Variants in DCAF6 observed in about 807,000 individuals in gnomAD.
The protein encoded by DCAF6 is DDB1- and CUL4-associated factor 6.
DCAF6 carries 54 observed loss-of-function variants against 125.1 expected under a neutral mutation model. The observed-to-expected ratio is 0.43, with a 90% CI of 0.35 to 0.54. The LOEUF (loss-of-function observed/expected upper bound fraction) is 0.54, where lower values mean the gene tolerates loss of function less well. DCAF6 is among the 20% of genes least tolerant of loss of function. DCAF6 has a pLI of 0.01. For missense variants in DCAF6, 934 were observed against 1,161.7 expected (o/e 0.80, Z 2.85); for synonymous variants, 371 against 390.4 (o/e 0.95, Z 0.58).
At chr1:168,008,388 T>A (rs73026167) in intron 10 of DCAF6, among the ~76,000 whole-genome samples, 21,373 of 152,134 alleles carry the variant, frequency 0.14, 2,024 homozygotes, top group African/African-American at 0.27. Flanking sequence ...CCTGTGAGTT[T>A]TTCTTGATTC....
intron 10 of DCAF6, among the ~76,000 whole-genome samples, chr1:168,006,322 CATT>C (rs1349131335): frequency 2.0e-5 from 3 of 152,160 alleles, no homozygotes; most frequent in East Asian, 3.9e-4. Context: ...ATTATTGAAA[CATT>C]ATGCAGTACT....
chr1:167,956,620 T>C (rs1313599497), intron 2 of DCAF6, among the ~76,000 whole-genome samples: 1 of 152,152 alleles, frequency 6.6e-6, no homozygotes, highest in African/African-American at 2.4e-5. Flanking sequence ...ATTTGCTCTT[T>C]GTTTTGTAAT....
At chr1:167,878,460 G>T in the DCAF6 span, 30 of 1,613,686 alleles carry the variant, frequency 1.9e-5, no homozygotes, top group Non-Finnish European at 2.5e-5. Context: ...TCTCAGTACG[G>T]CCCCAATACT....
At chr1:167,925,185 G>C in the DCAF6 span, among the ~76,000 whole-genome samples, 21 of 151,704 alleles carry the variant, frequency 1.4e-4, no homozygotes, top group Admixed American at 1.4e-3. Context: ...TTAATTCAAT[G>C]TCATTTTAAA....
Position 167,936,771 on chromosome 1 carries a change from C to A in DCAF6, c.-141C>A. The A allele has an allele frequency of 1.4e-6, 1 of 711,406 alleles. No individual in the cohort carries two copies. The highest frequency in any genetic ancestry group is 2.3e-6 in the Non-Finnish European group (1 of 427,078). 44.1% of individuals were successfully genotyped at this position (711,406 alleles called of 1,614,324 possible). On this transcript the variant is annotated 5_prime_UTR_variant, in exon 1 of 22. Transcript: ENST00000367840. ...TTCAGGGGCCCAGGCGCCGCTGCTG[C>A]CACCGCCATCTAACGCTGCGCCCTG...
Position 168,067,233 on chromosome 1 carries a change from T to C in DCAF6, c.2685+768T>C, listed in dbSNP as rs116045381. ...CAATTCCCATGTATACTTTCACTCATTGAATAGGCATTTATAAAACAGTTG... is the reference window on the plus strand; with the variant it reads ...CAATTCCCATGTATACTTTCACTCACTGAATAGGCATTTATAAAACAGTTG... On this transcript the variant is annotated intron_variant, in intron 20 of 21. Coordinates refer to ENST00000367840, the MANE Select transcript of DCAF6 (RefSeq NM_001198956.2). 2.4e-3 allele frequency among the ~76,000 whole-genome samples: 368 copies of C among 152,332 alleles called. 1 individual carries two copies. The highest frequency in any genetic ancestry group is 8.4e-3 in the African/African-American group (348 of 41,576).
the DCAF6 span, among the ~76,000 whole-genome samples, chr1:167,898,336 T>C: frequency 6.6e-6 from 1 of 151,830 alleles, no homozygotes; most frequent in Non-Finnish European, 1.5e-5. Flanking sequence ...CGTGGTGGCT[T>C]ACACCTATAA....
Position 167,993,458 on chromosome 1 carries a change from C to T in DCAF6, c.903+18C>T. On this transcript the variant is annotated intron_variant, in intron 7 of 21. Transcript: ENST00000367840. The stretch of plus-strand genomic sequence containing the variant: ...GAGAAGAGGTAGGTTTACTCAAAAC[C>T]ATGTCCTTTGGCCGGGCGCGGTGGC... The T allele has an allele frequency of 6.2e-7, 1 of 1,609,186 alleles. No homozygotes were observed. The highest frequency in any genetic ancestry group is 8.5e-7 in the Non-Finnish European group (1 of 1,175,902).
At chr1:167,997,839 T>C (rs1681972577) in intron 7 of DCAF6, among the ~76,000 whole-genome samples, 1 of 152,022 alleles carries the variant, frequency 6.6e-6, no homozygotes, top group Admixed American at 6.6e-5. Flanking sequence ...TTTGAATATA[T>C]AATACTTTTT....
chr1:167,870,357 A>T, the DCAF6 span: 2 of 1,613,460 alleles, frequency 1.2e-6, no homozygotes, highest in Non-Finnish European at 1.7e-6. Context: ...CTGCTGTTAG[A>T]TATCAAAAAT....
chr1:167,875,316 G>A, the DCAF6 span: 6 of 897,664 alleles, frequency 6.7e-6, no homozygotes, highest in African/African-American at 1.7e-5. Flanking sequence ...CCTGACTCAC[G>A]GGTCGCAAAC....
intron 10 of DCAF6, among the ~76,000 whole-genome samples, chr1:168,006,598 C>T (rs1162841857): frequency 6.6e-6 from 1 of 151,956 alleles, no homozygotes; most frequent in Non-Finnish European, 1.5e-5. Flanking sequence ...GTTTTTTGTC[C>T]AATCTCTTTT....
At chr1:167,963,383 C>T (rs1675916442) in intron 2 of DCAF6, among the ~76,000 whole-genome samples, 1 of 150,400 alleles carries the variant, frequency 6.6e-6, no homozygotes, top group South Asian at 2.1e-4. Flanking sequence ...GTCTTTGTTC[C>T]TTGTTCCTAT....
the DCAF6 span, among the ~76,000 whole-genome samples, chr1:167,905,567 C>A: frequency 6.6e-6 from 1 of 151,430 alleles, no homozygotes. Flanking sequence ...TTTACCCTCT[C>A]TCTACCTTGG....
At chr1:168,008,672 A>T (rs1174836768) in intron 10 of DCAF6, among the ~76,000 whole-genome samples, 1 of 152,082 alleles carries the variant, frequency 6.6e-6, no homozygotes, top group African/African-American at 2.4e-5. Flanking sequence ...AAAAAAATCA[A>T]ACTCCTCACT....
chr1:167,917,353 C>T, the DCAF6 span: 1 of 152,256 alleles, frequency 6.6e-6, no homozygotes, highest in Non-Finnish European at 1.5e-5. Context: ...TATTCCAGCA[C>T]TTTGACAGGA....
chr1:168,067,726 C>T (rs1182938211), intron 20 of DCAF6, among the ~76,000 whole-genome samples: 2 of 152,190 alleles, frequency 1.3e-5, no homozygotes, highest in African/African-American at 4.8e-5. Flanking sequence ...ATCAGAGTAG[C>T]ATCTTTCTCT....
chr1:168,064,810 G>A (rs1280562207), intron 18 of DCAF6, among the ~76,000 whole-genome samples: 1 of 152,034 alleles, frequency 6.6e-6, no homozygotes, highest in Non-Finnish European at 1.5e-5. Flanking sequence ...TAAAATCCTT[G>A]TTTGAAATAC....
At chr1:167,940,306 G>C (rs1397935024) in intron 1 of DCAF6, among the ~76,000 whole-genome samples, 2 of 152,210 alleles carry the variant, frequency 1.3e-5, no homozygotes. Context: ...CATGGATTTA[G>C]AGGATAGGCC....
Sources: gnomAD v4.1 joint callset for allele counts (sites outside exome capture counted in the v4.1 genomes callset) on GRCh38, gnomAD v4.1.1 for gene constraint, MANE v1.5 for transcripts, NCBI Gene and HGNC (gene_info 2026-07-23, HGNC 2026-07-21) for gene names.